SOX5: variants seen among roughly 807,000 people sequenced by gnomAD.
SOX5 encodes the protein transcription factor SOX-5.
In SOX5, 9 loss-of-function variants were observed where a neutral mutation model predicts 92.0. That is an observed-to-expected ratio of 0.10 (90% CI 0.06 to 0.17). The LOEUF (loss-of-function observed/expected upper bound fraction) is 0.17. Among genes scored for constraint, SOX5 ranks in the 10% least tolerant of loss-of-function variants. SOX5 has a pLI of 1.00. For synonymous variants in SOX5, 344 were observed against 336.3 expected (o/e 1.02, Z -0.25); for missense variants, 642 against 944.5 (o/e 0.68, Z 4.20).
intron 3 of SOX5, among the ~76,000 whole-genome samples, chr12:24,242,312 T>C (rs1157203947): frequency 6.6e-6 from 1 of 152,174 alleles, no homozygotes; most frequent in African/African-American, 2.4e-5. Context: ...ATTAAATCAA[T>C]TTTCCTGATG....
At position 23,970,841 on chromosome 12, in the gene SOX5, A is replaced by ATATATATATTTTTTTT; in HGVS notation, c.-1-74818_-1-74817insAAAAAAAATATATATA. Among the ~76,000 whole-genome samples the ATATATATATTTTTTTT allele has an allele frequency of 2.3e-4, 5 of 21,884 alleles. 1 individual carries two copies. The highest frequency in any genetic ancestry group is 1.7e-3 in the East Asian group (2 of 1,156). 14.4% of individuals were successfully genotyped at this position (21,884 alleles called of 152,430 possible). On this transcript the variant is annotated intron_variant, in intron 4 of 4. Transcript: ENST00000446891. Reference sequence around the variant, plus strand: ...ACATGGGACTTTATATATATATATAATTTTTTTTTTTTTTTAAGAAATGGG... The same window carrying ATATATATATTTTTTTT: ...ACATGGGACTTTATATATATATATAATATATATATTTTTTTTTTTTTTTTTTTTTTTAAGAAATGGG...
intron 11 of SOX5, among the ~76,000 whole-genome samples, chr12:23,560,888 G>C (rs1946090125): frequency 6.6e-6 from 1 of 152,130 alleles, no homozygotes; most frequent in Non-Finnish European, 1.5e-5. Flanking sequence ...TCATTTTCAG[G>C]TGTCAGAGTA....
intron 4 of SOX5, among the ~76,000 whole-genome samples, chr12:23,998,803 C>CAAAAAAA (rs34135570): frequency 1.5e-5 from 1 of 68,082 alleles, no homozygotes; most frequent in Admixed American, 2.3e-4. Flanking sequence ...GACTCAGTCT[C>CAAAAAAA]AAAAAAAAAA....
chr12:24,155,341 T>C (rs551824280), intron 4 of SOX5, among the ~76,000 whole-genome samples: 3 of 152,302 alleles, frequency 2.0e-5, no homozygotes, highest in Non-Finnish European at 4.4e-5. Context: ...TCTTCTATTA[T>C]CAAGTGTTTG....
intron 4 of SOX5, among the ~76,000 whole-genome samples, chr12:24,050,825 T>G (rs1957491509): frequency 1.3e-5 from 2 of 152,142 alleles, no homozygotes. Flanking sequence ...GTTCAATAAA[T>G]GAAGCCATTC....
intron 1 of SOX5, among the ~76,000 whole-genome samples, chr12:24,461,564 C>T (rs954951884): frequency 6.6e-6 from 1 of 152,130 alleles, no homozygotes; most frequent in African/African-American, 2.4e-5. Flanking sequence ...AACATTGTTA[C>T]CTGAAGATAA....
rs1245666102 is a variant in SOX5, at chr12:23,838,834, C to CTT, written c.481+7147_481+7148dup. 2.0e-3 allele frequency among the ~76,000 whole-genome samples: 110 copies of CTT among 54,214 alleles called. 8 individuals carry two copies. Among genetic ancestry groups the CTT allele is most frequent in the South Asian group, 5.6e-3 (8 of 1,434 alleles). The allele number at this position is 54,214 out of a possible 152,430, so 35.6% of individuals were successfully genotyped here. A position where few individuals can be genotyped will look rare whatever the true frequency, so the allele number is the denominator to read the frequency against. ...TACCCTTTTCTAATTCCCAGTAGTT[C>CTT]TTTTTTTTTGGGGGGGGGGGGCGGG... On this transcript the variant is annotated intron_variant, in intron 3 of 14. Coordinates refer to ENST00000451604, the MANE Select transcript of SOX5 (RefSeq NM_006940.6).
In SOX5 at chr12:23,873,464, C is replaced by T. The variant is rs534106332; in HGVS notation, c.270+22329G>A. On this transcript the variant is annotated intron_variant, in intron 2 of 14. Coordinates refer to ENST00000451604, the MANE Select transcript of SOX5 (RefSeq NM_006940.6). The stretch of plus-strand genomic sequence containing the variant: ...CTCCACCCTGGGTGACAAGGTAAGA[C>T]CCTGTCTCAAAAGAAAAAGAAAAGA... Among the ~76,000 whole-genome samples the T allele has an allele frequency of 2.0e-5, 3 of 152,242 alleles. No individual in the cohort carries two copies. The South Asian group carries it at 6.2e-4, about 32-fold the overall frequency.
chr12:24,446,482 A>C (rs1941493564), intron 1 of SOX5, among the ~76,000 whole-genome samples: 1 of 152,224 alleles, frequency 6.6e-6, no homozygotes. Flanking sequence ...TATGGCTAAA[A>C]TACACTGAGG....
intron 3 of SOX5, among the ~76,000 whole-genome samples, chr12:24,235,243 G>A (rs1964230594): frequency 6.6e-6 from 1 of 152,166 alleles, no homozygotes; most frequent in Non-Finnish European, 1.5e-5. Context: ...TATCTTATGA[G>A]TAAAGCTTAG....
intron 3 of SOX5, among the ~76,000 whole-genome samples, chr12:23,770,474 A>G (rs2094896488): frequency 6.6e-6 from 1 of 152,198 alleles, no homozygotes; most frequent in Non-Finnish European, 1.5e-5. Context: ...CTGGGTGTGT[A>G]AGGTGGAATC....
At chr12:23,634,236 T>G (rs563403243) in intron 8 of SOX5, among the ~76,000 whole-genome samples, 92 of 152,110 alleles carry the variant, frequency 6.0e-4, no homozygotes, top group Non-Finnish European at 1.1e-3. Flanking sequence ...ATTCTTGTCC[T>G]TGTGGGGCGG....
At chr12:23,540,714 G>GA (rs1304365281) in intron 13 of SOX5, among the ~76,000 whole-genome samples, 1 of 152,148 alleles carries the variant, frequency 6.6e-6, no homozygotes, top group African/African-American at 2.4e-5. Context: ...AATTTCAGCA[G>GA]AATGGCTTAT....
chr12:24,051,587 C>T (rs1957568423), intron 4 of SOX5, among the ~76,000 whole-genome samples: 1 of 151,982 alleles, frequency 6.6e-6, no homozygotes, highest in Non-Finnish European at 1.5e-5. Context: ...AGATTGTAGA[C>T]TAACAGAAAA....
At chr12:24,029,434 C>T (rs1352745177) in intron 4 of SOX5, among the ~76,000 whole-genome samples, 3 of 151,796 alleles carry the variant, frequency 2.0e-5, no homozygotes, top group Admixed American at 2.0e-4. Flanking sequence ...AACACCACAC[C>T]TGGCTGTTTT....
At chr12:23,921,651 T>C (rs929187657) in intron 1 of SOX5, among the ~76,000 whole-genome samples, 1 of 152,136 alleles carries the variant, frequency 6.6e-6, no homozygotes, top group Non-Finnish European at 1.5e-5. Flanking sequence ...ACAAAAAATA[T>C]TTCAAAGCAA....
intron 3 of SOX5, among the ~76,000 whole-genome samples, chr12:23,823,151 T>G (rs1395391291): frequency 1.3e-5 from 2 of 152,224 alleles, no homozygotes; most frequent in Non-Finnish European, 2.9e-5. Flanking sequence ...AATTTGATCC[T>G]GTCATTATGA....
chr12:24,356,880 A>G (rs980501659), intron 2 of SOX5, among the ~76,000 whole-genome samples: 1 of 152,344 alleles, frequency 6.6e-6, no homozygotes, highest in East Asian at 1.9e-4. Flanking sequence ...GTTACATGTT[A>G]TATCTTTCTA....
intron 2 of SOX5, among the ~76,000 whole-genome samples, chr12:24,331,028 G>C (rs1951248891): frequency 6.6e-6 from 1 of 152,178 alleles, no homozygotes; most frequent in South Asian, 2.1e-4. Flanking sequence ...CTCCAGCACA[G>C]GAGTTACTAG....
Sources: gnomAD v4.1 joint callset for allele counts (sites outside exome capture counted in the v4.1 genomes callset) on GRCh38, gnomAD v4.1.1 for gene constraint, MANE v1.5 for transcripts, NCBI Gene and HGNC (gene_info 2026-07-23, HGNC 2026-07-21) for gene names.